The following PDZK1IP1 variants were observed in gnomAD, a reference collection of about 807,000 sequenced individuals.
PDZK1IP1 encodes PDZK1-interacting protein 1.
Under a neutral mutation model 14.7 loss-of-function variants are expected in PDZK1IP1, and 9 were observed. The ratio of observed to expected loss-of-function variants is 0.61; its 90% CI spans 0.37 to 1.07. The LOEUF is 1.07. PDZK1IP1 is among the 50% of genes least tolerant of loss of function. The pLI is 0.01. For synonymous variants in PDZK1IP1, 70 were observed against 61.2 expected, an observed-to-expected ratio of 1.14 and a Z score of -0.67; for missense variants, 152 against 148.7, an observed-to-expected ratio of 1.02 and a Z score of -0.11.
At chr1:47,189,590 C>T (rs1569856077) in intron 1 of PDZK1IP1, among the ~76,000 whole-genome samples, 2 of 152,208 alleles carry the variant, frequency 1.3e-5, no homozygotes, top group East Asian at 1.9e-4. Flanking sequence ...ACTCAGGACC[C>T]AGCCATCCCT....
At chr1:47,185,788 C>T (rs983475289) in intron 2 of PDZK1IP1, among the ~76,000 whole-genome samples, 27 of 152,050 alleles carry the variant, frequency 1.8e-4, no homozygotes, top group Admixed American at 1.5e-3. Context: ...CTGTCTGTGA[C>T]GACCAACTCC....
chr1:47,184,941 G>A, intron 3 of PDZK1IP1, 61 bp downstream of exon 3: 3 of 1,360,228 alleles, frequency 2.2e-6, no homozygotes, highest in Non-Finnish European at 3.2e-6. Context: ...AGCAGCACCT[G>A]TCTTGAGATT....
chr1:47,184,087 A>G (rs995817820), intron 3 of PDZK1IP1, 44 bp from the exon 4 acceptor site: 42 of 1,423,192 alleles, frequency 3.0e-5, no homozygotes, highest in Non-Finnish European at 4.0e-5. Context: ...CGCTCCTCCC[A>G]TTCTATCCCC....
chr1:47,189,950 G>C lies in PDZK1IP1; in HGVS notation c.-18C>G. 6.3e-7 allele frequency: 1 copy of C among 1,576,108 alleles called. No individual in the cohort carries two copies. The highest frequency in any genetic ancestry group is 8.5e-7 in the Non-Finnish European group (1 of 1,170,150). On this transcript the variant is annotated 5_prime_UTR_variant, in exon 1 of 4. Transcript: ENST00000294338. ...GCCGACATGGCTGCAGCAGCTCCTA[G>C]CCTTGCTTCTGGCCGCCGGTGTCTG... is the stretch of plus-strand genomic sequence containing the variant.
chr1:47,188,281 C>T (rs933198901), intron 1 of PDZK1IP1, among the ~76,000 whole-genome samples: 1 of 152,238 alleles, frequency 6.6e-6, no homozygotes, highest in African/African-American at 2.4e-5. Flanking sequence ...GCTGGGATTA[C>T]AGGCATGAGC....
chr1:47,187,417 G>A lies in PDZK1IP1; in HGVS notation c.78C>T (p.Asn26=), dbSNP rs200901884. Reference sequence around the variant, plus strand: ...TAAGGCCCTGCATCCAGGGCTGAAGGTTCCCCAGGCCTAACAAAGGGAGAG... The same window carrying A: ...TAAGGCCCTGCATCCAGGGCTGAAGATTCCCCAGGCCTAACAAAGGGAGAG... ...PPASCQQGLG[N]LQPWMQGLIA... is the part of the protein sequence containing the mutation. Residue 26 remains asparagine (N), a synonymous_variant, in exon 2 of 4, where the codon AAC becomes AAT. Coordinates refer to ENST00000294338, the MANE Select transcript of PDZK1IP1 (RefSeq NM_005764.4). The A allele has an allele frequency of 1.2e-6, 2 of 1,612,622 alleles. No homozygotes were observed. The highest frequency in any genetic ancestry group is 1.7e-6 in the Non-Finnish European group (2 of 1,179,754).
In PDZK1IP1 at chr1:47,187,408, G is replaced by A. The variant is rs35269328; in HGVS notation, c.87C>T (p.Pro29=). Residue 29 remains proline (P), a synonymous_variant, in exon 2 of 4, where the codon CCC becomes CCT. Transcript: ENST00000294338. ...CCACCGCGATAAGGCCCTGCATCCA[G>A]GGCTGAAGGTTCCCCAGGCCTAACA... is the stretch of plus-strand genomic sequence containing the variant. ...SCQQGLGNLQ[P]WMQGLIAVAV... The A allele has an allele frequency of 3.4e-4, 550 of 1,612,832 alleles. 2 individuals are homozygous for A. In the African/African-American group the frequency reaches 5.8e-3, roughly 17 times the overall value.
rs1287367385 is a variant in PDZK1IP1 at position 47,184,984 on chromosome 1, C to A, written c.272+18G>T. ...GGCCCTGGGAGCACAGACCGGGCAG[C>A]CCTGCCCTGCACCTCACCTGAAACT... On this transcript the variant is annotated intron_variant, in intron 3 of 3. Coordinates refer to ENST00000294338, the MANE Select transcript of PDZK1IP1 (RefSeq NM_005764.4). 1.9e-6 allele frequency: 3 copies of A among 1,593,728 alleles called. No individual in the cohort carries two copies. The highest frequency in any genetic ancestry group is 2.6e-6 in the Non-Finnish European group (3 of 1,162,070).
intron 1 of PDZK1IP1, among the ~76,000 whole-genome samples, chr1:47,188,762 A>C (rs945070653): frequency 5.3e-5 from 8 of 152,220 alleles, no homozygotes; most frequent in African/African-American, 4.8e-5. Flanking sequence ...CAGGGGAAGC[A>C]GAAGACACAC....
chr1:47,189,474 T>G (rs1645339898), intron 1 of PDZK1IP1, among the ~76,000 whole-genome samples: 2 of 152,192 alleles, frequency 1.3e-5, no homozygotes, highest in African/African-American at 4.8e-5. Context: ...GGAGTCACAC[T>G]GGGCACTGTT....
At chr1:47,186,383 T>C (rs754196208) in intron 2 of PDZK1IP1, among the ~76,000 whole-genome samples, 7 of 151,792 alleles carry the variant, frequency 4.6e-5, no homozygotes, top group African/African-American at 9.7e-5. Flanking sequence ...GCTCAGGTCA[T>C]TGGTGTGCAA....
Position 47,184,013 on chromosome 1 carries a change from A to G in PDZK1IP1, c.303T>C (p.Asn101=). The change falls in exon 4 of 4, where the codon AAT becomes AAC. Residue 101 remains asparagine, a synonymous_variant. Transcript: ENST00000294338. ...GGACCTTGCCTTCCTCCTCGGGCACATTCTCATAGGCATTCTCATGCTCAC... is the reference window on the plus strand; with the variant it reads ...GGACCTTGCCTTCCTCCTCGGGCACGTTCTCATAGGCATTCTCATGCTCAC... ...RSSEHENAYE[N]VPEEEGKVRS... is the part of the protein sequence containing the mutation. 6.3e-7 allele frequency: 1 copy of G among 1,597,510 alleles called. No homozygotes were observed. The highest frequency in any genetic ancestry group is 8.5e-7 in the Non-Finnish European group (1 of 1,171,064).
At chr1:47,189,125 C>T (rs546024961) in intron 1 of PDZK1IP1, among the ~76,000 whole-genome samples, 5 of 144,554 alleles carry the variant, frequency 3.5e-5, no homozygotes, top group African/African-American at 1.3e-4. Flanking sequence ...AGAGTTGAAG[C>T]AGACACACAT....
Position 47,183,693 on chromosome 1 carries a change from T to G in PDZK1IP1, c.*278A>C. 1 of 476,560 alleles carries G rather than the reference T, an allele frequency of 2.1e-6. No individual in the cohort carries two copies. The highest frequency in any genetic ancestry group is 3.7e-6 in the Non-Finnish European group (1 of 268,954). The allele number at this position is 476,560 out of a possible 1,614,324, so 29.5% of individuals were successfully genotyped here. ...ATTTCCATAGTTATGGGGAAGGACGTGTGAGCAGGATGGGAGGTGCTCAGC... is the reference window on the plus strand; with the variant it reads ...ATTTCCATAGTTATGGGGAAGGACGGGTGAGCAGGATGGGAGGTGCTCAGC... On this transcript the variant is annotated 3_prime_UTR_variant, in exon 4 of 4. Coordinates refer to ENST00000294338, the MANE Select transcript of PDZK1IP1 (RefSeq NM_005764.4).
Position 47,183,899 on chromosome 1 carries a change from G to A in PDZK1IP1, c.*72C>T. 1 of 1,259,174 alleles carries A rather than the reference G, an allele frequency of 7.9e-7. No individual in the cohort carries two copies. Among genetic ancestry groups the A allele is most frequent in the Non-Finnish European group, 1.1e-6 (1 of 879,740 alleles). The allele number at this position is 1,259,174 out of a possible 1,614,324, so 78.0% of individuals were successfully genotyped here. On this transcript the variant is annotated 3_prime_UTR_variant, in exon 4 of 4. Transcript: ENST00000294338. Reference sequence around the variant, plus strand: ...TTGCAGATTCCACACAAAGAAGGAGGGGGCTTGGGTGGTAGCACTGGACAT... The same window carrying A: ...TTGCAGATTCCACACAAAGAAGGAGAGGGCTTGGGTGGTAGCACTGGACAT...
intron 1 of PDZK1IP1, among the ~76,000 whole-genome samples, chr1:47,187,799 G>A (rs1017751175): frequency 1.3e-5 from 2 of 152,204 alleles, no homozygotes; most frequent in African/African-American, 4.8e-5. Flanking sequence ...CAGCCCCCTG[G>A]ACAGCCGGCC....
chr1:47,189,247 C>G, intron 1 of PDZK1IP1, among the ~76,000 whole-genome samples: 1 of 152,204 alleles, frequency 6.6e-6, no homozygotes, highest in East Asian at 1.9e-4. Context: ...TGCAGCCTGA[C>G]AGTGTAGAAT....
At position 47,185,039 on chromosome 1, in the gene PDZK1IP1, T is replaced by C; in HGVS notation, c.235A>G (p.Thr79Ala). 6.2e-7 allele frequency: 1 copy of C among 1,613,382 alleles called. No individual in the cohort carries two copies. Among genetic ancestry groups the C allele is most frequent in the Non-Finnish European group, 8.5e-7 (1 of 1,179,918 alleles). ...GCCATCGAAGAGTACCTTCCATCTGTTCCCACCAGGACTCCATCTGCCTTG... is the reference window on the plus strand; with the variant it reads ...GCCATCGAAGAGTACCTTCCATCTGCTCCCACCAGGACTCCATCTGCCTTG... ...GNKADGVLVG[T>A]DGRYSSMAAS... The change falls in exon 3 of 4, where the codon ACA (threonine) becomes GCA (alanine). Residue 79 changes from threonine to alanine, a missense_variant. Transcript: ENST00000294338.
In PDZK1IP1 at chr1:47,184,127, A is replaced by T. The variant is rs75551432; in HGVS notation, c.273-84T>A. 2.2e-3 allele frequency: 2,276 copies of T among 1,028,684 alleles called. 34 individuals are homozygous for T. The African/African-American group carries it at 0.032, about 14-fold the overall frequency. 63.7% of individuals were successfully genotyped at this position (1,028,684 alleles called of 1,614,324 possible). Reference sequence around the variant, plus strand: ...CCCTGCCCCTTCCTGCACTTGTGACAGTAATAGCTTCCAGAATAAACACTT... The same window carrying T: ...CCCTGCCCCTTCCTGCACTTGTGACTGTAATAGCTTCCAGAATAAACACTT... On this transcript the variant is annotated intron_variant, in intron 3 of 3. Transcript: ENST00000294338.
Sources: allele counts gnomAD v4.1 joint callset (sites outside exome capture counted in the v4.1 genomes callset), GRCh38; gene constraint gnomAD v4.1.1; transcripts MANE v1.5; gene names NCBI Gene and HGNC (gene_info 2026-07-23, HGNC 2026-07-21).